The following ADGRA3 variants were observed in gnomAD, a reference collection of about 807,000 sequenced individuals.
ADGRA3 encodes the protein G-protein coupled receptor 125.
Under a neutral mutation model 119.8 loss-of-function variants are expected in ADGRA3, and 56 were observed. The observed-to-expected ratio is 0.47, with a 90% CI of 0.38 to 0.58. The LOEUF (loss-of-function observed/expected upper bound fraction) is 0.58. ADGRA3 is among the 20% of genes least tolerant of loss of function. The pLI, the probability that ADGRA3 is intolerant of heterozygous loss-of-function variation, is 0.00. For missense variants in ADGRA3, 1,516 were observed against 1,649.0 expected (o/e 0.92, Z 1.40); for synonymous variants, 607 against 623.8 (o/e 0.97, Z 0.40).
intron 10 of ADGRA3, among the ~76,000 whole-genome samples, chr4:22,434,181 A>G (rs542301698): frequency 1.4e-5 from 2 of 147,368 alleles, no homozygotes; most frequent in South Asian, 2.1e-4. Flanking sequence ...TATACATTAG[A>G]TATATCTAAA....
At chr4:22,411,199 T>C (rs914746212) in intron 14 of ADGRA3, among the ~76,000 whole-genome samples, 3 of 152,276 alleles carry the variant, frequency 2.0e-5, no homozygotes, top group African/African-American at 7.2e-5. Flanking sequence ...TCTGACAATG[T>C]TGAATATTAT....
chr4:22,506,251 C>T (rs1358400411), intron 1 of ADGRA3, among the ~76,000 whole-genome samples: 1 of 152,046 alleles, frequency 6.6e-6, no homozygotes, highest in East Asian at 1.9e-4. Flanking sequence ...AAATGCTTTG[C>T]TGGATGAAAA....
chr4:22,444,717 C>A (rs10021864), intron 6 of ADGRA3, among the ~76,000 whole-genome samples: 4,077 of 151,936 alleles, frequency 0.027, 178 homozygotes, highest in African/African-American at 0.093. Context: ...AAAATCTATT[C>A]TTTGAAATTG....
chr4:22,515,572 C>A lies in ADGRA3; in HGVS notation c.213G>T (p.Ala71=). 3 of 1,602,930 alleles carry A rather than the reference C, an allele frequency of 1.9e-6. No individual in the cohort carries two copies. Among genetic ancestry groups the A allele is most frequent in the Admixed American group, 1.7e-5 (1 of 59,464 alleles). ...GCAGAGTATCTGGGGGCAGGACCTG[C>A]GCGAGTTCCAGGCTGCTGCACACCA... ...GKVVCSSLEL[A]QVLPPDTLPN... Residue 71 remains alanine (A), a synonymous_variant, in exon 1 of 19, where the codon GCG becomes GCT. Coordinates refer to ENST00000334304, the MANE Select transcript of ADGRA3 (RefSeq NM_145290.4).
Position 22,388,162 on chromosome 4 carries a change from C to T in ADGRA3, c.3509G>A (p.Arg1170His), listed in dbSNP as rs370767567. 3.0e-5 allele frequency: 49 copies of T among 1,613,884 alleles called. 1 individual carries two copies. Among genetic ancestry groups the T allele is most frequent in the East Asian group, 2.0e-4 (9 of 44,874 alleles). The change falls in exon 19 of 19, where the codon CGC becomes CAC. Residue 1170 changes from arginine (R) to histidine (H), a missense_variant. This residue lies in a region of ADGRA3 where 1,088 missense variants were observed against 1,107.1 expected (regional missense o/e 0.98). Transcript: ENST00000334304. Reference sequence around the variant, plus strand: ...TCCTTTACTTCTGTTTTTATGGTGGCGGCTTGAGTGCACATTTGTTCGAAA... The same window carrying T: ...TCCTTTACTTCTGTTTTTATGGTGGTGGCTTGAGTGCACATTTGTTCGAAA... Reference protein sequence around the residue: ...VQFRTNVHSSRHHKNRSKGHR... With the variant: ...VQFRTNVHSSHHHKNRSKGHR...
chr4:22,398,593 A>AT (rs1289782076), intron 16 of ADGRA3, among the ~76,000 whole-genome samples: 5 of 151,792 alleles, frequency 3.3e-5, no homozygotes, highest in Admixed American at 6.6e-5. Context: ...TATTGCACCT[A>AT]TTTTTTGTTA....
intron 10 of ADGRA3, among the ~76,000 whole-genome samples, chr4:22,432,845 T>C (rs13139516): frequency 0.04 from 6,133 of 152,254 alleles, 207 homozygotes; most frequent in East Asian, 0.19. Flanking sequence ...TAAAAAGCAA[T>C]TCCCCCACAA....
chr4:22,464,698 CAG>C (rs1385069669), intron 2 of ADGRA3, among the ~76,000 whole-genome samples: 1 of 152,152 alleles, frequency 6.6e-6, no homozygotes, highest in African/African-American at 2.4e-5. Context: ...CCATGAAGGT[CAG>C]AGGTAAAGGG....
chr4:22,437,834 A>AC (rs1330491594), intron 8 of ADGRA3, among the ~76,000 whole-genome samples: 1 of 152,156 alleles, frequency 6.6e-6, no homozygotes, highest in Admixed American at 6.5e-5. Flanking sequence ...TCTGATGCCT[A>AC]CTGAACTGCC....
At chr4:22,411,248 C>G (rs947441113) in intron 14 of ADGRA3, among the ~76,000 whole-genome samples, 5 of 152,152 alleles carry the variant, frequency 3.3e-5, no homozygotes, top group Admixed American at 3.3e-4. Context: ...ATATTCAAAA[C>G]TGAATGAGAA....
intron 14 of ADGRA3, among the ~76,000 whole-genome samples, chr4:22,405,560 AAAATT>A (rs1200827356): frequency 3.1e-4 from 47 of 151,696 alleles, no homozygotes; most frequent in Non-Finnish European, 5.0e-4. Context: ...AAAAAAAAAA[AAAATT>A]AAATTAAAAT....
At chr4:22,500,022 G>A (rs1326421435) in intron 1 of ADGRA3, among the ~76,000 whole-genome samples, 1 of 152,160 alleles carries the variant, frequency 6.6e-6, no homozygotes, top group Non-Finnish European at 1.5e-5. Flanking sequence ...GCTCCAAAGA[G>A]CATTTCCTAT....
chr4:22,398,193 A>G (rs1054851967), intron 16 of ADGRA3: 3 of 921,140 alleles, frequency 3.3e-6, no homozygotes, highest in African/African-American at 3.6e-5. Flanking sequence ...TAATACTAAT[A>G]TAATAGTGGT....
At chr4:22,424,005 TAAG>T (rs1195398428) in intron 11 of ADGRA3, among the ~76,000 whole-genome samples, 183 bp downstream of exon 11, 3 of 151,526 alleles carry the variant, frequency 2.0e-5, no homozygotes, top group Non-Finnish European at 3.0e-5. Context: ...TATAAAATGT[TAAG>T]AAGAAATTCT....
At chr4:22,433,776 C>G (rs1716280256) in intron 10 of ADGRA3, among the ~76,000 whole-genome samples, 1 of 152,168 alleles carries the variant, frequency 6.6e-6, no homozygotes, top group African/African-American at 2.4e-5. Flanking sequence ...GGGCACCAAC[C>G]CTGTCATCTT....
intron 4 of ADGRA3, among the ~76,000 whole-genome samples, chr4:22,447,980 C>G (rs1359037787): frequency 6.6e-6 from 1 of 152,040 alleles, no homozygotes; most frequent in Non-Finnish European, 1.5e-5. Flanking sequence ...ATGAGGGGAG[C>G]GGGATGAGTT....
Position 22,416,714 on chromosome 4 carries a change from A to G in ADGRA3, c.1810-2900T>C, listed in dbSNP as rs532100137. Among the ~76,000 whole-genome samples, 6 of 152,308 alleles carry G rather than the reference A, an allele frequency of 3.9e-5. No homozygotes were observed. The South Asian group carries it at 1.2e-3, about 32-fold the overall frequency. ...AGAACGTCATCATGTTTTGACTTCT[A>G]CCATTCAGTTTCAGTGTTCATTTTA... On this transcript the variant is annotated intron_variant, in intron 12 of 18. Coordinates refer to ENST00000334304, the MANE Select transcript of ADGRA3 (RefSeq NM_145290.4).
At chr4:22,406,997 C>A (rs1463704015) in intron 14 of ADGRA3, among the ~76,000 whole-genome samples, 8 of 152,122 alleles carry the variant, frequency 5.3e-5, no homozygotes, top group African/African-American at 9.7e-5. Flanking sequence ...TAAGGCCGGG[C>A]GCAGTGGCTA....
At chr4:22,416,492 C>G (rs974658774) in intron 12 of ADGRA3, among the ~76,000 whole-genome samples, 1 of 152,148 alleles carries the variant, frequency 6.6e-6, no homozygotes, top group African/African-American at 2.4e-5. Flanking sequence ...CTCTCTGAGT[C>G]TCATCTGTCA....
Sources: gnomAD v4.1 joint callset for allele counts (sites outside exome capture counted in the v4.1 genomes callset) on GRCh38, gnomAD v4.1.1 for gene constraint, gnomAD v4.1.1 regional missense constraint, MANE v1.5 for transcripts, NCBI Gene and HGNC (gene_info 2026-07-23, HGNC 2026-07-21) for gene names.